Variants in BICDL1 observed in about 807,000 individuals in gnomAD.
The protein encoded by BICDL1 is BICD family like cargo adaptor 1.
In BICDL1, 20 loss-of-function variants were observed where a neutral mutation model predicts 76.8. The ratio of observed to expected loss-of-function variants is 0.26; its 90% CI spans 0.18 to 0.38. The LOEUF is 0.38. Among genes scored for constraint, BICDL1 ranks in the 10% least tolerant of loss-of-function variants. The pLI, the probability that BICDL1 is intolerant of heterozygous loss-of-function variation, is 1.00. For missense variants in BICDL1, 700 were observed against 798.6 expected (o/e 0.88, Z 1.49); for synonymous variants, 383 against 337.1 (o/e 1.14, Z -1.49).
intron 2 of BICDL1, among the ~76,000 whole-genome samples, chr12:120,052,569 C>T (rs992765640): frequency 6.6e-6 from 1 of 152,044 alleles, no homozygotes; most frequent in Non-Finnish European, 1.5e-5. Context: ...GTGATGTTGA[C>T]TGCTTGGTTA....
chr12:120,018,705 T>C (rs965839399), intron 2 of BICDL1, among the ~76,000 whole-genome samples: 1 of 138,310 alleles, frequency 7.2e-6, no homozygotes, highest in African/African-American at 2.7e-5. Context: ...AAAAAAAAAA[T>C]CATACTATAT....
At chr12:120,052,696 C>T (rs765396636) in intron 2 of BICDL1, among the ~76,000 whole-genome samples, 13 of 152,190 alleles carry the variant, frequency 8.5e-5, no homozygotes, top group South Asian at 2.1e-4. Context: ...TCTCATGAAA[C>T]TTTTGCCCAC....
chr12:120,080,239 C>G (rs1445124742), intron 7 of BICDL1, among the ~76,000 whole-genome samples: 1 of 152,192 alleles, frequency 6.6e-6, no homozygotes, highest in Non-Finnish European at 1.5e-5. Context: ...AAGGTTGACT[C>G]CCAGCTGGGG....
chr12:120,063,517 G>A (rs1953151828), intron 3 of BICDL1, among the ~76,000 whole-genome samples: 1 of 137,876 alleles, frequency 7.3e-6, no homozygotes. Flanking sequence ...AAAGGGAAAA[G>A]TGTATCTCGT....
At chr12:120,012,170 A>T (rs1594112133) in intron 2 of BICDL1, among the ~76,000 whole-genome samples, 1 of 152,158 alleles carries the variant, frequency 6.6e-6, no homozygotes, top group Non-Finnish European at 1.5e-5. Context: ...GTGTAATGAG[A>T]AATAGAGAGA....
At chr12:120,030,583 A>G (rs1354080935) in intron 2 of BICDL1, among the ~76,000 whole-genome samples, 1 of 152,248 alleles carries the variant, frequency 6.6e-6, no homozygotes, top group Non-Finnish European at 1.5e-5. Context: ...GAGGAACCTC[A>G]AACTAAATGA....
chr12:120,019,044 CAAAAAAAAAAA>C (rs60381935), intron 2 of BICDL1: 1 of 49,326 alleles, frequency 2.0e-5, no homozygotes, highest in East Asian at 5.3e-4. Flanking sequence ...GACTCCGTCT[CAAAAAAAAAAA>C]AAAAAAAAAA....
chr12:120,025,301 T>C (rs530909694), intron 2 of BICDL1, among the ~76,000 whole-genome samples: 44 of 152,028 alleles, frequency 2.9e-4, no homozygotes, highest in East Asian at 5.8e-4. Context: ...CCGCCCTCCT[T>C]GGCCTCCCAA....
In BICDL1 at chr12:119,994,940, G is replaced by A. The variant is rs560369238; in HGVS notation, c.430-3581G>A. ...ATAATTATTGAACCAGTACTCATGT[G>A]ATTACTAACTGAAGTCTTCAGTTTA... On this transcript the variant is annotated intron_variant, in intron 1 of 9. Transcript: ENST00000548673. Among the ~76,000 whole-genome samples, 5 of 152,280 alleles carry A rather than the reference G, an allele frequency of 3.3e-5. No individual in the cohort carries two copies. In the East Asian group the frequency reaches 5.8e-4, roughly 18 times the overall value.
chr12:120,072,552 T>A lies in BICDL1; in HGVS notation c.1131T>A (p.Tyr377Ter), dbSNP rs749372331. 6.2e-7 allele frequency: 1 copy of A among 1,614,180 alleles called. No homozygotes were observed. The highest frequency in any genetic ancestry group is 2.2e-5 in the East Asian group (1 of 44,876). Residue 377 changes from tyrosine (Y) to a stop codon, truncating the protein, a stop_gained, in exon 6 of 10, where the codon TAT (tyrosine) becomes TAA (stop). Coordinates refer to ENST00000548673, the MANE Select transcript of BICDL1 (RefSeq NM_001367886.1). LOFTEE classifies it high-confidence loss of function. The stretch of plus-strand genomic sequence containing the variant: ...GGGAAGCCTACTGCCAGGTTCGCTA[T>A]CTGTGCTCACACCTTCGAGGCAATG... ...QLWEAYCQVR[Y>*]LCSHLRGNDS...
chr12:120,018,456 A>C (rs1952110444), intron 2 of BICDL1, among the ~76,000 whole-genome samples: 1 of 152,218 alleles, frequency 6.6e-6, no homozygotes, highest in Non-Finnish European at 1.5e-5. Context: ...CCTAAGTAGC[A>C]CAGTCAGTGT....
intron 1 of BICDL1, among the ~76,000 whole-genome samples, chr12:119,995,419 C>T (rs1253089271): frequency 6.6e-6 from 1 of 152,176 alleles, no homozygotes; most frequent in Non-Finnish European, 1.5e-5. Context: ...TGTCCTCAGC[C>T]CTGCCCCCAA....
intron 2 of BICDL1, among the ~76,000 whole-genome samples, chr12:120,008,945 TG>T (rs1259351763): frequency 2.7e-5 from 4 of 149,864 alleles, no homozygotes; most frequent in African/African-American, 7.4e-5. Flanking sequence ...GGCATAGAGG[TG>T]TTTTTTTTTT....
chr12:120,028,108 TTC>T (rs1027087382), intron 2 of BICDL1, among the ~76,000 whole-genome samples: 4 of 152,218 alleles, frequency 2.6e-5, no homozygotes, highest in African/African-American at 9.7e-5. Context: ...GGCTTTGCTT[TTC>T]TCTCAATGTC....
At chr12:120,038,599 T>C (rs951368000) in intron 2 of BICDL1, among the ~76,000 whole-genome samples, 5 of 151,704 alleles carry the variant, frequency 3.3e-5, no homozygotes, top group Admixed American at 1.3e-4. Flanking sequence ...TTATGTTGAT[T>C]TTTTTCTTTA....
At chr12:120,072,205 A>G (rs1344661913) in intron 5 of BICDL1, among the ~76,000 whole-genome samples, 1 of 152,224 alleles carries the variant, frequency 6.6e-6, no homozygotes, top group African/African-American at 2.4e-5. Flanking sequence ...AGAACCATTC[A>G]TTCCCCTGAT....
Position 120,013,345 on chromosome 12 carries a change from C to T in BICDL1, c.645+14609C>T, listed in dbSNP as rs1277739667. ...AAAAAAAAATTATAAAGCCTGTGGTCCAAATTTTATTGTCATTTAATGTCA... is the reference window on the plus strand; with the variant it reads ...AAAAAAAAATTATAAAGCCTGTGGTTCAAATTTTATTGTCATTTAATGTCA... On this transcript the variant is annotated intron_variant, in intron 2 of 9. Coordinates refer to ENST00000548673, the MANE Select transcript of BICDL1 (RefSeq NM_001367886.1). Among the ~76,000 whole-genome samples the T allele has an allele frequency of 2.6e-5, 4 of 151,298 alleles. No homozygotes were observed. In the East Asian group the frequency reaches 7.8e-4, roughly 29 times the overall value.
At position 120,081,019 on chromosome 12, in the gene BICDL1, T is replaced by C; in HGVS notation, c.1583+2T>C. 1 of 1,612,634 alleles carries C rather than the reference T, an allele frequency of 6.2e-7. No homozygotes were observed. The highest frequency in any genetic ancestry group is 8.5e-7 in the Non-Finnish European group (1 of 1,179,534). On this transcript the variant is annotated splice_donor_variant, in intron 8 of 9. Transcript: ENST00000548673. LOFTEE classifies it high-confidence loss of function. ...GGACCGCGACGAGGCCATTGCAAAG[T>C]GAGTAGGGATGGCTTCACTTTATTC...
intron 8 of BICDL1, among the ~76,000 whole-genome samples, chr12:120,088,232 G>A (rs1440642921): frequency 6.6e-6 from 1 of 151,566 alleles, no homozygotes; most frequent in Non-Finnish European, 1.5e-5. Context: ...AGCACCCTGC[G>A]GACACAGGCA....
Sources: gnomAD v4.1 joint callset for allele counts (sites outside exome capture counted in the v4.1 genomes callset) on GRCh38, gnomAD v4.1.1 for gene constraint, MANE v1.5 for transcripts, NCBI Gene and HGNC (gene_info 2026-07-23, HGNC 2026-07-21) for gene names.